Variants in CFAP46 observed in about 807,000 individuals in gnomAD.
CFAP46 encodes the protein cilia and flagella associated protein 46, also known as cilia- and flagella-associated protein 46.
CFAP46 carries 245 observed loss-of-function variants against 325.7 expected under a neutral mutation model. The observed-to-expected ratio is 0.75, with a 90% CI of 0.68 to 0.84. The LOEUF (loss-of-function observed/expected upper bound fraction) is 0.84. Among genes scored for constraint, CFAP46 ranks in the 40% least tolerant of loss-of-function variants. The pLI is 0.00. For missense variants in CFAP46, 3,346 were observed against 3,543.0 expected (o/e 0.94, Z 1.41); for synonymous variants, 1,523 against 1,495.9 (o/e 1.02, Z -0.42).
At chr10:132,867,606 A>G in intron 33 of CFAP46, 99 bp from the exon 34 acceptor site, 2 of 1,406,784 alleles carry the variant, frequency 1.4e-6, no homozygotes, top group Non-Finnish European at 1.9e-6. Context: ...AGCCACAATT[A>G]CATTCTTCAC....
intron 46 of CFAP46, among the ~76,000 whole-genome samples, chr10:132,835,940 T>TC (rs1343150644): frequency 1.4e-4 from 7 of 50,774 alleles, no homozygotes; most frequent in Admixed American, 2.1e-4. Context: ...CTGCCCCTGC[T>TC]CCCCCCTCCC....
At position 132,816,214 on chromosome 10, in the gene CFAP46, C is replaced by T. The variant is rs186434676; in HGVS notation, c.7118-1300G>A. Among the ~76,000 whole-genome samples, 494 of 151,510 alleles carry T rather than the reference C, an allele frequency of 3.3e-3. 1 individual carries two copies. The highest frequency in any genetic ancestry group is 0.01 in the African/African-American group (422 of 41,298). ...GTGCGTCGTTAGCGCTGTGTCTTTC[C>T]GTTTCTGGCGTTCTCGGTTGCTCTT... is the stretch of plus-strand genomic sequence containing the variant. On this transcript the variant is annotated intron_variant, in intron 50 of 57. Coordinates refer to ENST00000368586, the MANE Select transcript of CFAP46 (RefSeq NM_001200049.3).
At chr10:132,859,333 G>A in intron 37 of CFAP46, 86 bp from the exon 38 acceptor site, 1 of 1,236,764 alleles carries the variant, frequency 8.1e-7, no homozygotes, top group Non-Finnish European at 1.1e-6. Flanking sequence ...GTTCTCCCCG[G>A]TGTTCATCCA....
intron 50 of CFAP46, among the ~76,000 whole-genome samples, chr10:132,829,547 C>T (rs1029805177): frequency 1.4e-4 from 21 of 152,208 alleles, no homozygotes; most frequent in Admixed American, 5.2e-4. Flanking sequence ...CTCTCTACTC[C>T]GGCCGGGATC....
At chr10:132,906,212 C>G (rs1849454176) in intron 22 of CFAP46, among the ~76,000 whole-genome samples, 1 of 152,236 alleles carries the variant, frequency 6.6e-6, no homozygotes, top group Admixed American at 6.5e-5. Context: ...ATGGCAGTGC[C>G]AGGCCAGCAG....
At position 132,828,450 on chromosome 10, in the gene CFAP46, T is replaced by C. The variant is rs1224848457; in HGVS notation, c.7117+4908A>G. 1.3e-5 allele frequency among the ~76,000 whole-genome samples: 2 copies of C among 152,200 alleles called. No individual in the cohort carries two copies. The highest frequency in any genetic ancestry group is 4.8e-5 in the African/African-American group (2 of 41,428). On this transcript the variant is annotated intron_variant, in intron 50 of 57. Coordinates refer to ENST00000368586, the MANE Select transcript of CFAP46 (RefSeq NM_001200049.3). The surrounding 1 kb of genome is among the most constrained non-coding windows in gnomAD (Gnocchi z 4.9). ...CCATTTGCATTTCCTTGATAATTAA[T>C]GATGTCGGGCATCCTTCCATCGTAC...
intron 10 of CFAP46, among the ~76,000 whole-genome samples, chr10:132,925,560 T>C (rs891588299): frequency 1.3e-5 from 2 of 152,286 alleles, no homozygotes; most frequent in Non-Finnish European, 2.9e-5. Flanking sequence ...AAGCAGCCTC[T>C]GTTCACTTTC....
rs745445388 is a variant in CFAP46 at position 132,834,728 on chromosome 10, C to G, written c.6792G>C (p.Arg2264Ser). 1 of 1,613,180 alleles carries G rather than the reference C, an allele frequency of 6.2e-7. No individual in the cohort carries two copies. ...QVEEKERPVQ[R>S]LSSVLGPLEE... ...CCAGGGGCCCCAGGACGCTACTGAGCCTCTGCACAGGGCGCTCCTTCTCTT... is the reference window on the plus strand; with the variant it reads ...CCAGGGGCCCCAGGACGCTACTGAGGCTCTGCACAGGGCGCTCCTTCTCTT... The change falls in exon 48 of 58, where the codon AGG (arginine) becomes AGC (serine). Residue 2264 changes from arginine to serine, a missense_variant. Physicochemically the swap from Arg to Ser is moderately radical, Grantham distance 110. Transcript: ENST00000368586.
Position 132,851,298 on chromosome 10 carries a change from T to C in CFAP46, c.5582A>G (p.Asn1861Ser), listed in dbSNP as rs1254563842. Residue 1861 changes from asparagine to serine, a missense_variant, in exon 40 of 58, where the codon AAC becomes AGC. Asn to Ser is a conservative substitution (Grantham distance 46). Transcript: ENST00000368586. ...CTTCCTCATCAGGGGCGTGTTGACG[T>C]TCTGCAACTGAGGGGGTCAGGCATG... Reference protein sequence around the residue: ...QGLLSLQDLQNVNTPLMRKLA... With the variant: ...QGLLSLQDLQSVNTPLMRKLA... 2.5e-6 allele frequency: 4 copies of C among 1,613,484 alleles called. No homozygotes were observed. In the South Asian group the frequency reaches 4.4e-5, roughly 18 times the overall value.
At chr10:132,836,944 T>A (rs1345277057) in intron 44 of CFAP46, 30 bp from the exon 45 acceptor site, 1 of 1,526,972 alleles carries the variant, frequency 6.5e-7, no homozygotes, top group East Asian at 2.2e-5. Flanking sequence ...CATCAGGGGA[T>A]GCATTTAGGA....
chr10:132,905,160 CTTTCTTT>C (rs796640159), intron 22 of CFAP46, among the ~76,000 whole-genome samples: 18 of 63,914 alleles, frequency 2.8e-4, no homozygotes, highest in African/African-American at 6.8e-4. Flanking sequence ...CAAAATGCTT[CTTTCTTT>C]GTCAACAAGT....
At chr10:132,878,146 C>T (rs1848984121) in intron 29 of CFAP46, 59 bp from the exon 30 acceptor site, 2 of 1,467,796 alleles carry the variant, frequency 1.4e-6, no homozygotes, top group African/African-American at 2.8e-5. Flanking sequence ...CCCACTCTGC[C>T]CACCCTCCAC....
At chr10:132,894,640 T>C (rs545333217) in intron 24 of CFAP46, among the ~76,000 whole-genome samples, 72 of 151,456 alleles carry the variant, frequency 4.8e-4, no homozygotes, top group Admixed American at 8.5e-4. Flanking sequence ...AGTGGAGACA[T>C]TACTACCGAC....
chr10:132,911,498 C>A (rs1340122271), intron 19 of CFAP46, among the ~76,000 whole-genome samples: 1 of 152,188 alleles, frequency 6.6e-6, no homozygotes, highest in Non-Finnish European at 1.5e-5. Flanking sequence ...CCTCCCTGCC[C>A]CCGCCCCACC....
At chr10:132,810,375 G>GA (rs1435959283) in intron 57 of CFAP46, 34 bp downstream of exon 57, 3 of 1,601,768 alleles carry the variant, frequency 1.9e-6, no homozygotes, top group Admixed American at 3.3e-5. Flanking sequence ...AGAGGGTGCT[G>GA]AAGGCCGCGG....
intron 8 of CFAP46, among the ~76,000 whole-genome samples, chr10:132,933,002 T>C (rs1849936606): frequency 6.6e-6 from 1 of 152,228 alleles, no homozygotes; most frequent in Non-Finnish European, 1.5e-5. Flanking sequence ...CCAAATGTCC[T>C]TGGGGAGCAG....
rs550245723 is a variant in CFAP46, at chr10:132,909,912, C to A, written c.2649+7G>T. ...GTCAGAGCCCAGATGTGGGCAGGGG[C>A]GCCCACCTGCTCCTCGGTGCCCAGC... On this transcript the variant is annotated splice_region_variant and intron_variant, in intron 20 of 57. Transcript: ENST00000368586. 8 of 1,440,436 alleles carry A rather than the reference C, an allele frequency of 5.6e-6. No individual in the cohort carries two copies. In the South Asian group the frequency reaches 5.7e-5, roughly 10 times the overall value. 89.2% of individuals were successfully genotyped at this position (1,440,436 alleles called of 1,614,324 possible). A position where few individuals can be genotyped will look rare whatever the true frequency, so the allele number is the denominator to read the frequency against.
chr10:132,856,398 CATT>C lies in CFAP46; in HGVS notation c.5574+1189_5574+1191del, dbSNP rs540195118. Among the ~76,000 whole-genome samples the C allele has an allele frequency of 1.6e-3, 240 of 152,300 alleles. 1 individual carries two copies. Among genetic ancestry groups the C allele is most frequent in the African/African-American group, 5.3e-3 (220 of 41,564 alleles). On this transcript the variant is annotated intron_variant, in intron 39 of 57. Transcript: ENST00000368586. ...TTATCAAATTTGGAAAATTTTCAGT[CATT>C]AGTTATTCAAATTATTCTGTTTATT...
chr10:132,837,556 CAG>C (rs1223015954), intron 44 of CFAP46, among the ~76,000 whole-genome samples: 16 of 150,378 alleles, frequency 1.1e-4, no homozygotes, highest in South Asian at 8.4e-4. Flanking sequence ...TGCGCACACA[CAG>C]ACATGCACGG....
Sources: gnomAD v4.1 joint callset for allele counts (sites outside exome capture counted in the v4.1 genomes callset) on GRCh38, gnomAD v4.1.1 for gene constraint, Gnocchi (gnomAD v3.1) non-coding constraint, MANE v1.5 for transcripts, NCBI Gene and HGNC (gene_info 2026-07-23, HGNC 2026-07-21) for gene names.